The following MBD5 variants were observed in gnomAD, a reference collection of about 807,000 sequenced individuals.
MBD5 encodes the protein methyl-CpG binding domain protein 5, also known as methyl-CpG-binding domain protein 5.
In MBD5, 13 loss-of-function variants were observed where a neutral mutation model predicts 117.3. That is an observed-to-expected ratio of 0.11 (90% CI 0.07 to 0.18). The LOEUF (loss-of-function observed/expected upper bound fraction) is 0.18. Among genes scored for constraint, MBD5 ranks in the 10% least tolerant of loss-of-function variants. The probability of loss-of-function intolerance (pLI) is 1.00; values close to 1 mark genes in which losing one functional copy is unlikely to be tolerated. For synonymous variants in MBD5, 727 were observed against 766.4 expected (o/e 0.95, Z 0.85); for missense variants, 1,879 against 2,093.8 (o/e 0.90, Z 2.00).
intron 4 of MBD5, among the ~76,000 whole-genome samples, chr2:148,387,365 A>G (rs1045716654): frequency 3.3e-5 from 5 of 152,002 alleles, no homozygotes; most frequent in Non-Finnish European, 5.9e-5. Flanking sequence ...GGAATGAAAG[A>G]AAAAAAACCT....
chr2:148,052,378 T>C (rs1027260487), intron 1 of MBD5, among the ~76,000 whole-genome samples: 1 of 151,840 alleles, frequency 6.6e-6, no homozygotes, highest in Non-Finnish European at 1.5e-5. Flanking sequence ...ACCCAGCTAA[T>C]TGTGTATTTT....
chr2:148,148,180 C>T (rs76046691), intron 1 of MBD5, among the ~76,000 whole-genome samples: 80 of 152,168 alleles, frequency 5.3e-4, no homozygotes, highest in African/African-American at 1.9e-3. Context: ...GAAGCCATGT[C>T]CTGAAAATGG....
At chr2:148,344,022 C>T (rs1460807583) in intron 4 of MBD5, among the ~76,000 whole-genome samples, 1 of 151,940 alleles carries the variant, frequency 6.6e-6, no homozygotes, top group Non-Finnish European at 1.5e-5. Context: ...CATTCTTCTG[C>T]ACTGCATGTG....
At position 148,479,986 on chromosome 2, in the gene MBD5, G is replaced by C. The variant is rs149668146; in HGVS notation, c.2519-3124G>C. On this transcript the variant is annotated intron_variant, in intron 8 of 13. Transcript: ENST00000642680. ...ATATTTGAGAGAAGAAAAAGACAGA[G>C]AGATTTCTGTGTTTCTTTCTTTACC... Among the ~76,000 whole-genome samples the C allele has an allele frequency of 2.0e-5, 3 of 152,104 alleles. No homozygotes were observed. The East Asian group carries it at 5.8e-4, about 29-fold the overall frequency.
chr2:148,441,962 T>C (rs1706339308), intron 4 of MBD5, among the ~76,000 whole-genome samples: 1 of 152,206 alleles, frequency 6.6e-6, no homozygotes, highest in Non-Finnish European at 1.5e-5. Context: ...TGTTTGTTTT[T>C]TTCTTGTAAA....
intron 3 of MBD5, among the ~76,000 whole-genome samples, chr2:148,299,438 T>TC (rs11461332): frequency 0.94 from 143,483 of 152,176 alleles, 68,163 homozygotes; most frequent in East Asian, 1. Flanking sequence ...TAAAGAACTT[T>TC]TTTAAAGAAC....
chr2:148,040,930 T>A (rs1301927824), intron 1 of MBD5, among the ~76,000 whole-genome samples: 1 of 152,140 alleles, frequency 6.6e-6, no homozygotes, highest in African/African-American at 2.4e-5. Context: ...CTGGTAGATG[T>A]TATCTACCAG....
chr2:148,195,837 A>T (rs1040502749), intron 2 of MBD5, among the ~76,000 whole-genome samples: 1 of 152,224 alleles, frequency 6.6e-6, no homozygotes, highest in Non-Finnish European at 1.5e-5. Flanking sequence ...AAATATCTTG[A>T]ACTGAATTGT....
chr2:148,078,377 G>C (rs572721384), intron 1 of MBD5, among the ~76,000 whole-genome samples: 22 of 152,064 alleles, frequency 1.4e-4, no homozygotes, highest in African/African-American at 5.1e-4. Flanking sequence ...TCATTTACTT[G>C]TATGTCAGAT....
intron 4 of MBD5, among the ~76,000 whole-genome samples, chr2:148,378,847 T>G (rs1704057492): frequency 1.3e-5 from 2 of 152,094 alleles, no homozygotes; most frequent in African/African-American, 4.8e-5. Flanking sequence ...AGTTATTGGC[T>G]TTCCATTGAC....
chr2:148,021,410 G>T lies in MBD5; in HGVS notation c.-1199G>T. The stretch of plus-strand genomic sequence containing the variant: ...CTCCTCCTCTTTGGCCGTGAGAGGA[G>T]GAGAGAAAGAAACCAAAAGCCTCTT... On this transcript the variant is annotated 5_prime_UTR_variant, in exon 1 of 14. In the 5' UTR this introduces an upstream ATG that the reference lacks. Transcript: ENST00000642680. The T allele has an allele frequency of 1.9e-6, 1 of 529,126 alleles. No homozygotes were observed. The highest frequency in any genetic ancestry group is 5.0e-5 in the East Asian group (1 of 19,962). The allele number at this position is 529,126 out of a possible 1,614,324, so 32.8% of individuals were successfully genotyped here.
At chr2:148,424,538 T>C (rs957441910) in intron 4 of MBD5, among the ~76,000 whole-genome samples, 34 of 151,902 alleles carry the variant, frequency 2.2e-4, no homozygotes, top group Non-Finnish European at 4.0e-4. Flanking sequence ...GGCAACTTTA[T>C]AGACATCTAC....
At position 148,504,644 on chromosome 2, in the gene MBD5, A is replaced by G. The variant is rs115919014; in HGVS notation, c.5036+2135A>G. Among the ~76,000 whole-genome samples the G allele has an allele frequency of 1.3e-3, 196 of 152,342 alleles. 1 individual carries two copies. The highest frequency in any genetic ancestry group is 4.5e-3 in the African/African-American group (189 of 41,582). ...GTCAAAATTGCAACAACAGCAATAT[A>G]TATACTATATTTTTGGGTCACAGGG... On this transcript the variant is annotated intron_variant, in intron 12 of 13. Transcript: ENST00000642680.
intron 1 of MBD5, among the ~76,000 whole-genome samples, chr2:148,155,382 C>A (rs917360008): frequency 6.6e-6 from 1 of 152,126 alleles, no homozygotes; most frequent in Non-Finnish European, 1.5e-5. Flanking sequence ...CTGGCTTCAG[C>A]GATAGGAGAG....
At chr2:148,147,823 T>C (rs1455343148) in intron 1 of MBD5, among the ~76,000 whole-genome samples, 2 of 152,114 alleles carry the variant, frequency 1.3e-5, no homozygotes, top group Non-Finnish European at 1.5e-5. Context: ...TCCAGCAGAC[T>C]GTTTACTACT....
At chr2:148,035,087 G>A (rs1159279836) in intron 1 of MBD5, among the ~76,000 whole-genome samples, 1 of 151,944 alleles carries the variant, frequency 6.6e-6, no homozygotes, top group Non-Finnish European at 1.5e-5. Context: ...GTCCTAGAAT[G>A]TTGTGGACAT....
At chr2:148,256,606 G>A (rs570988325) in intron 3 of MBD5, among the ~76,000 whole-genome samples, 1 of 152,216 alleles carries the variant, frequency 6.6e-6, no homozygotes, top group Non-Finnish European at 1.5e-5. Flanking sequence ...ACTGCTCTAA[G>A]TTCAGCCCAT....
intron 3 of MBD5, among the ~76,000 whole-genome samples, chr2:148,261,232 G>A (rs1441833859): frequency 1.3e-5 from 2 of 152,204 alleles, no homozygotes; most frequent in Non-Finnish European, 2.9e-5. Context: ...GAGAATCAGT[G>A]GGTCCTTTGA....
At chr2:148,322,892 T>C (rs941756132) in intron 3 of MBD5, among the ~76,000 whole-genome samples, 16 of 151,870 alleles carry the variant, frequency 1.1e-4, no homozygotes, top group African/African-American at 3.4e-4. Flanking sequence ...ATGTGCACAA[T>C]GTGCAGGTTA....
Sources: gnomAD v4.1 joint callset for allele counts (sites outside exome capture counted in the v4.1 genomes callset) on GRCh38, gnomAD v4.1.1 for gene constraint, MANE v1.5 for transcripts, NCBI Gene and HGNC (gene_info 2026-07-23, HGNC 2026-07-21) for gene names.